CAP2: variants seen among roughly 807,000 people sequenced by gnomAD.
CAP2 encodes adenylyl cyclase-associated protein 2.
CAP2 carries 24 observed loss-of-function variants against 57.7 expected under a neutral mutation model. The ratio of observed to expected loss-of-function variants is 0.42; its 90% CI spans 0.30 to 0.58. The LOEUF (loss-of-function observed/expected upper bound fraction) is 0.58. CAP2 is among the 20% of genes least tolerant of loss of function. CAP2 has a pLI of 0.22. For synonymous variants in CAP2, 194 were observed against 207.2 expected (o/e 0.94, Z 0.55); for missense variants, 501 against 590.3 (o/e 0.85, Z 1.57).
intron 4 of CAP2, among the ~76,000 whole-genome samples, chr6:17,479,857 C>T (rs376084608): frequency 2.0e-5 from 3 of 151,948 alleles, no homozygotes; most frequent in African/African-American, 4.8e-5. Flanking sequence ...CCTCGTGATC[C>T]GCCCACCTCG....
At position 17,547,648 on chromosome 6, in the gene CAP2, T is replaced by C. The variant is rs189402965; in HGVS notation, c.1210-3816T>C. ...CGAGGTCCGGAGATTGAGACCATCC[T>C]GGCTAACACAGTGAAACCCTGTCTC... On this transcript the variant is annotated intron_variant, in intron 11 of 12. Coordinates refer to ENST00000229922, the MANE Select transcript of CAP2 (RefSeq NM_006366.3). Among the ~76,000 whole-genome samples the C allele has an allele frequency of 4.9e-3, 743 of 152,160 alleles. 5 individuals are homozygous for C. The highest frequency in any genetic ancestry group is 0.017 in the African/African-American group (696 of 41,520).
At chr6:17,485,378 A>G (rs1004543912) in intron 4 of CAP2, among the ~76,000 whole-genome samples, 2 of 152,200 alleles carry the variant, frequency 1.3e-5, no homozygotes, top group Non-Finnish European at 2.9e-5. Flanking sequence ...GCAGTGATCA[A>G]CTGGGCTTTT....
At chr6:17,541,962 T>C (rs77391410) in intron 9 of CAP2, among the ~76,000 whole-genome samples, 2,034 of 152,304 alleles carry the variant, frequency 0.013, 54 homozygotes, top group African/African-American at 0.046. Flanking sequence ...CTGTTCACCA[T>C]GTTTAACTGT....
chr6:17,409,628 A>G (rs961914759), intron 1 of CAP2, among the ~76,000 whole-genome samples: 5 of 152,044 alleles, frequency 3.3e-5, no homozygotes, highest in African/African-American at 1.2e-4. Context: ...TGGGTAGATA[A>G]TACTTATGAC....
chr6:17,524,423 T>G (rs186887180), intron 7 of CAP2, among the ~76,000 whole-genome samples: 64 of 152,316 alleles, frequency 4.2e-4, no homozygotes, highest in African/African-American at 1.5e-3. Context: ...AAGTGGGGCT[T>G]AGCCAGGAGG....
chr6:17,544,741 G>T (rs113659030), intron 11 of CAP2, among the ~76,000 whole-genome samples: 1,872 of 152,228 alleles, frequency 0.012, 48 homozygotes, highest in African/African-American at 0.043. Context: ...ATTTAATAGA[G>T]ACAGGGTTTC....
chr6:17,506,541 G>T (rs1761989449), intron 4 of CAP2, among the ~76,000 whole-genome samples: 1 of 152,042 alleles, frequency 6.6e-6, no homozygotes. Flanking sequence ...TCAGGAGGCT[G>T]AGGCAGGAGA....
At chr6:17,539,548 A>G (rs1012831315) in intron 8 of CAP2, 90 bp downstream of exon 8, 16 of 932,646 alleles carry the variant, frequency 1.7e-5, no homozygotes, top group Non-Finnish European at 2.4e-5. Context: ...TGATGGATAC[A>G]TCACTCCATC....
chr6:17,406,486 T>A (rs1174701886), intron 1 of CAP2, among the ~76,000 whole-genome samples: 1 of 149,548 alleles, frequency 6.7e-6, no homozygotes, highest in Non-Finnish European at 1.5e-5. Flanking sequence ...CTCCGCCTCC[T>A]GGATTCAAGC....
rs76457632 is a variant in CAP2, at chr6:17,468,631, C to T, written c.300+5558C>T. ...CCCTTGTTGTATTTTACATAAATAA[C>T]CTTTGAGCAAAAGAATGGCCCAGTT... On this transcript the variant is annotated intron_variant, in intron 4 of 12. Coordinates refer to ENST00000229922, the MANE Select transcript of CAP2 (RefSeq NM_006366.3). 1.6e-4 allele frequency among the ~76,000 whole-genome samples: 24 copies of T among 152,276 alleles called. No individual in the cohort carries two copies. The East Asian group carries it at 3.3e-3, about 21-fold the overall frequency.
At chr6:17,477,062 G>A (rs1412377466) in intron 4 of CAP2, among the ~76,000 whole-genome samples, 1 of 151,902 alleles carries the variant, frequency 6.6e-6, no homozygotes. Flanking sequence ...GTAGAGACGG[G>A]GTTTCACCAT....
intron 3 of CAP2, among the ~76,000 whole-genome samples, chr6:17,445,917 C>T (rs981561111): frequency 2.6e-5 from 4 of 152,170 alleles, no homozygotes; most frequent in African/African-American, 9.7e-5. Flanking sequence ...ACGGTTTGTA[C>T]CATGAGATAA....
At chr6:17,497,072 G>A (rs971703376) in intron 4 of CAP2, among the ~76,000 whole-genome samples, 5 of 152,208 alleles carry the variant, frequency 3.3e-5, no homozygotes, top group African/African-American at 1.2e-4. Context: ...CACATCAAAT[G>A]TTGACAGAAT....
intron 3 of CAP2, among the ~76,000 whole-genome samples, chr6:17,440,134 G>T (rs773244558): frequency 6.6e-6 from 1 of 151,644 alleles, no homozygotes; most frequent in Non-Finnish European, 1.5e-5. Context: ...GTGATGTTGA[G>T]TCTTCCTCTC....
chr6:17,524,073 TCAAA>T (rs1561815303), intron 7 of CAP2, among the ~76,000 whole-genome samples: 1 of 92,678 alleles, frequency 1.1e-5, no homozygotes, highest in Non-Finnish European at 2.0e-5. Flanking sequence ...AGACTCTGTC[TCAAA>T]AAAAAAAAAA....
intron 3 of CAP2, among the ~76,000 whole-genome samples, chr6:17,439,391 G>C (rs1262312265): frequency 6.6e-6 from 1 of 150,846 alleles, no homozygotes; most frequent in Non-Finnish European, 1.5e-5. Flanking sequence ...TGGACTTTCT[G>C]TTCATTCCAT....
At chr6:17,463,686 A>G (rs933079903) in intron 4 of CAP2, among the ~76,000 whole-genome samples, 6 of 152,168 alleles carry the variant, frequency 3.9e-5, no homozygotes, top group African/African-American at 1.4e-4. Context: ...TCTGCTTTTT[A>G]ATAAGCTCCT....
intron 4 of CAP2, among the ~76,000 whole-genome samples, chr6:17,469,848 C>A (rs1760972706): frequency 6.6e-6 from 1 of 152,180 alleles, no homozygotes; most frequent in African/African-American, 2.4e-5. Context: ...TCAGCACTTT[C>A]TCCATAAGGA....
intron 7 of CAP2, among the ~76,000 whole-genome samples, chr6:17,518,504 C>A (rs1339548166): frequency 1.3e-5 from 2 of 152,134 alleles, no homozygotes; most frequent in African/African-American, 2.4e-5. Context: ...AAGACCATTT[C>A]ATTTGTTTGC....
Sources: allele counts gnomAD v4.1 joint callset (sites outside exome capture counted in the v4.1 genomes callset), GRCh38; gene constraint gnomAD v4.1.1; transcripts MANE v1.5; gene names NCBI Gene and HGNC (gene_info 2026-07-23, HGNC 2026-07-21).